SLC30A6: variants seen among roughly 807,000 people sequenced by gnomAD.
The protein encoded by SLC30A6 is solute carrier family 30 member 6, also known as zinc transporter 6.
SLC30A6 carries 55 observed loss-of-function variants against 63.0 expected under a neutral mutation model. The observed-to-expected ratio is 0.87, with a 90% CI of 0.70 to 1.09. The LOEUF is 1.09. Ranked by LOEUF, SLC30A6 falls within the 50% of genes least tolerant of loss-of-function variation. SLC30A6 has a pLI of 0.00. For missense variants in SLC30A6, 587 were observed against 549.2 expected, an observed-to-expected ratio of 1.07 and a Z score of -0.69; for synonymous variants, 224 against 186.1, an observed-to-expected ratio of 1.20 and a Z score of -1.66.
At position 32,202,792 on chromosome 2, in the gene SLC30A6, A is replaced by G. The variant is rs542373843; in HGVS notation, c.666-1798A>G. On this transcript the variant is annotated intron_variant, in intron 10 of 13. Coordinates refer to ENST00000282587, the MANE Select transcript of SLC30A6 (RefSeq NM_017964.5). ...TTACTTTTTTCTGCAGCTCGCCCAC[A>G]GTGGGTATGCAAAGTTGCAAAAAAA... 281 of 739,860 alleles carry G rather than the reference A, an allele frequency of 3.8e-4. 3 individuals are homozygous for G. The Middle Eastern group carries it at 0.013, about 34-fold the overall frequency. The allele number at this position is 739,860 out of a possible 1,614,324, so 45.8% of individuals were successfully genotyped here. A position where few individuals can be genotyped will look rare whatever the true frequency, so the allele number is the denominator to read the frequency against.
chr2:32,188,202 T>G (rs1426302064), intron 5 of SLC30A6, among the ~76,000 whole-genome samples: 1 of 152,212 alleles, frequency 6.6e-6, no homozygotes, highest in Non-Finnish European at 1.5e-5. Flanking sequence ...TGATATGCTC[T>G]TCACCTGATC....
intron 10 of SLC30A6, chr2:32,203,335 A>G (rs1558412065): frequency 1.1e-6 from 1 of 910,392 alleles, no homozygotes; most frequent in Non-Finnish European, 1.9e-6. Flanking sequence ...TTACTTTTAA[A>G]TGTGTAGGTA....
At chr2:32,201,216 T>A (rs886194975) in intron 10 of SLC30A6, among the ~76,000 whole-genome samples, 1 of 152,214 alleles carries the variant, frequency 6.6e-6, no homozygotes, top group African/African-American at 2.4e-5. Flanking sequence ...CTCATTCACA[T>A]TTCTATTTCT....
intron 1 of SLC30A6, among the ~76,000 whole-genome samples, chr2:32,167,681 C>CA (rs1244183918): frequency 6.6e-6 from 1 of 152,092 alleles, no homozygotes; most frequent in Admixed American, 6.5e-5. Context: ...CACACACACA[C>CA]CAGTTTTGTT....
intron 13 of SLC30A6, among the ~76,000 whole-genome samples, chr2:32,213,589 G>A (rs926124694): frequency 2.6e-5 from 4 of 151,968 alleles, no homozygotes; most frequent in East Asian, 1.9e-4. Context: ...TTTCATAAGG[G>A]TACTAGGTTA....
chr2:32,186,996 CAA>C (rs760128005), intron 5 of SLC30A6, among the ~76,000 whole-genome samples: 10 of 51,292 alleles, frequency 1.9e-4, no homozygotes, highest in Non-Finnish European at 3.3e-4. Flanking sequence ...ACGCTGTCTC[CAA>C]AAAAAAAAAA....
chr2:32,171,197 T>G (rs1681168776), intron 1 of SLC30A6, 90 bp from the exon 2 acceptor site: 1 of 1,018,826 alleles, frequency 9.8e-7, no homozygotes, highest in Admixed American at 2.0e-5. Flanking sequence ...ATATTGGTTA[T>G]TTATATCATA....
At position 32,223,772 on chromosome 2, in the gene SLC30A6, A is replaced by G. The variant is rs1686268203; in HGVS notation, c.*3059A>G. 1 of 152,102 alleles carries G rather than the reference A, an allele frequency of 6.6e-6. No homozygotes were observed. The highest frequency in any genetic ancestry group is 2.4e-5 in the African/African-American group (1 of 41,420). 9.4% of individuals were successfully genotyped at this position (152,102 alleles called of 1,614,324 possible). ...AGTTCTCTTAGACTTCTTTCTTTGT[A>G]AGGAAGGGTTATTTGGGGAAGTGTT... On this transcript the variant is annotated 3_prime_UTR_variant, in exon 14 of 14. Coordinates refer to ENST00000282587, the MANE Select transcript of SLC30A6 (RefSeq NM_017964.5).
intron 3 of SLC30A6, 108 bp from the exon 4 acceptor site, chr2:32,175,211 A>G (rs749716357): frequency 1.9e-5 from 20 of 1,047,602 alleles, no homozygotes; most frequent in East Asian, 2.4e-5. Context: ...CCGTGACTCA[A>G]AAGTTTTTTT....
chr2:32,197,349 A>C lies in SLC30A6; in HGVS notation c.502A>C (p.Ser168Arg). Residue 168 changes from serine to arginine, a missense_variant, in exon 9 of 14, where the codon AGT becomes CGT. Coordinates refer to ENST00000282587, the MANE Select transcript of SLC30A6 (RefSeq NM_017964.5). Reference protein sequence around the residue: ...KPFAYVSEAASTSWLQEHVAD... With the variant: ...KPFAYVSEAARTSWLQEHVAD... ...TAAGTATTTTCTTCTTAAAGCTGCT[A>C]GTACGAGCTGGCTTCAAGAGCATGT... 1 of 1,613,320 alleles carries C rather than the reference A, an allele frequency of 6.2e-7. No individual in the cohort carries two copies. The highest frequency in any genetic ancestry group is 8.5e-7 in the Non-Finnish European group (1 of 1,179,618).
At chr2:32,208,672 C>T (rs865968966) in intron 12 of SLC30A6, among the ~76,000 whole-genome samples, 38 of 111,776 alleles carry the variant, frequency 3.4e-4, no homozygotes, top group Middle Eastern at 4.0e-3. Context: ...TGCTTCCCAC[C>T]GGCTAATTGT....
In SLC30A6 at chr2:32,201,824, A is replaced by G. The variant is rs982966439; in HGVS notation, c.666-2766A>G. 1.8e-5 allele frequency: 25 copies of G among 1,422,746 alleles called. No individual in the cohort carries two copies. In the African/African-American group the frequency reaches 1.9e-4, roughly 11 times the overall value. The allele number at this position is 1,422,746 out of a possible 1,614,324, so 88.1% of individuals were successfully genotyped here. On this transcript the variant is annotated intron_variant, in intron 10 of 13. Coordinates refer to ENST00000282587, the MANE Select transcript of SLC30A6 (RefSeq NM_017964.5). ...AGTGACAGAAGGAAGTCAAGCCACCATTATGACTCAGATGAGAAATCAGAA... is the reference window on the plus strand; with the variant it reads ...AGTGACAGAAGGAAGTCAAGCCACCGTTATGACTCAGATGAGAAATCAGAA...
Position 32,177,881 on chromosome 2 carries a change from C to T in SLC30A6, c.218+2520C>T, listed in dbSNP as rs143371589. Among the ~76,000 whole-genome samples the T allele has an allele frequency of 5.1e-3, 775 of 151,698 alleles. 4 individuals carry two copies. The highest frequency in any genetic ancestry group is 0.017 in the African/African-American group (706 of 41,362). The stretch of plus-strand genomic sequence containing the variant: ...CAAACTCAAGTCATCTGCCTGCCTC[C>T]GCCTCCCAAAGTGCTAAGATTATGG... On this transcript the variant is annotated intron_variant, in intron 4 of 13. Transcript: ENST00000282587.
At chr2:32,215,894 T>C (rs1311962904) in intron 13 of SLC30A6, among the ~76,000 whole-genome samples, 2 of 151,950 alleles carry the variant, frequency 1.3e-5, no homozygotes, top group Non-Finnish European at 1.5e-5. Context: ...AGTCTTGCTA[T>C]GTGGTCCAGG....
At chr2:32,218,984 C>T (rs1685935309) in intron 13 of SLC30A6, among the ~76,000 whole-genome samples, 1 of 152,144 alleles carries the variant, frequency 6.6e-6, no homozygotes, top group African/African-American at 2.4e-5. Flanking sequence ...AATTGAAATT[C>T]TTTATCATTT....
chr2:32,175,393 G>T lies in SLC30A6; in HGVS notation c.218+32G>T, dbSNP rs368881321. 66 of 1,593,392 alleles carry T rather than the reference G, an allele frequency of 4.1e-5. No individual in the cohort carries two copies. The African/African-American group carries it at 6.0e-4, about 15-fold the overall frequency. On this transcript the variant is annotated intron_variant, in intron 4 of 13. Transcript: ENST00000282587. ...TTTTAGGAAATCTTAATGTTTTGGA[G>T]CTAATAAGGAACTTGGTAGAAATGT...
chr2:32,203,441 T>C (rs1684471274), intron 10 of SLC30A6: 1 of 1,515,350 alleles, frequency 6.6e-7, no homozygotes, highest in Non-Finnish European at 9.2e-7. Flanking sequence ...TTTCCAACCA[T>C]CAGCTCAGAT....
At position 32,192,329 on chromosome 2, in the gene SLC30A6, G is replaced by C; in HGVS notation, c.285-7G>C. 6.2e-7 allele frequency: 1 copy of C among 1,613,616 alleles called. No homozygotes were observed. The highest frequency in any genetic ancestry group is 1.1e-5 in the South Asian group (1 of 91,060). ...TTGTGATGATCTAATTAATGTTTTGGTTTCAGGTTTGAAAGATTAGAAGTC... is the reference window on the plus strand; with the variant it reads ...TTGTGATGATCTAATTAATGTTTTGCTTTCAGGTTTGAAAGATTAGAAGTC... On this transcript the variant is annotated splice_polypyrimidine_tract_variant and splice_region_variant and intron_variant, in intron 5 of 13. Transcript: ENST00000282587.
chr2:32,201,362 G>C (rs1471883412), intron 10 of SLC30A6, among the ~76,000 whole-genome samples: 1 of 152,176 alleles, frequency 6.6e-6, no homozygotes, highest in South Asian at 2.1e-4. Context: ...AATTCCTGGA[G>C]AATCTTACCT....
Sources: allele counts gnomAD v4.1 joint callset (sites outside exome capture counted in the v4.1 genomes callset), GRCh38; gene constraint gnomAD v4.1.1; transcripts MANE v1.5; gene names NCBI Gene and HGNC (gene_info 2026-07-23, HGNC 2026-07-21).